The following CSMD1 variants were observed in gnomAD, a reference collection of about 807,000 sequenced individuals.
CSMD1 encodes the protein CUB and sushi domain-containing protein 1.
In CSMD1, 213 loss-of-function variants were observed where a neutral mutation model predicts 417.5. The ratio of observed to expected loss-of-function variants is 0.51; its 90% CI spans 0.46 to 0.57. The LOEUF (loss-of-function observed/expected upper bound fraction) is 0.57, where lower values mean the gene tolerates loss of function less well. CSMD1 is among the 20% of genes least tolerant of loss of function. The probability of loss-of-function intolerance (pLI) is 0.00; values close to 1 mark genes in which losing one functional copy is unlikely to be tolerated. For missense variants in CSMD1, 6,923 were observed against 4,529.7 expected (o/e 1.53, Z -15.17); for synonymous variants, 2,862 against 1,736.8 (o/e 1.65, Z -16.11).
intron 26 of CSMD1, among the ~76,000 whole-genome samples, chr8:3,277,608 A>C (rs529269834): frequency 1.3e-5 from 2 of 152,280 alleles, no homozygotes; most frequent in South Asian, 4.1e-4. Flanking sequence ...TGACTTTACC[A>C]AAACCGGGAA....
chr8:4,129,623 C>T (rs774690781), intron 3 of CSMD1, among the ~76,000 whole-genome samples: 2 of 152,058 alleles, frequency 1.3e-5, no homozygotes, highest in Non-Finnish European at 2.9e-5. Flanking sequence ...TGACTTGTTT[C>T]CTCTCTGGAA....
At chr8:3,756,016 C>G (rs1194438255) in intron 5 of CSMD1, among the ~76,000 whole-genome samples, 5 of 151,978 alleles carry the variant, frequency 3.3e-5, no homozygotes, top group Non-Finnish European at 7.4e-5. Flanking sequence ...TCAAAAACCC[C>G]CAGTCTGTGC....
At chr8:4,468,079 G>C (rs1800297938) in intron 2 of CSMD1, among the ~76,000 whole-genome samples, 1 of 152,164 alleles carries the variant, frequency 6.6e-6, no homozygotes, top group South Asian at 2.1e-4. Flanking sequence ...TTCTGAAATT[G>C]ATCTGCACTG....
At chr8:3,678,989 G>C (rs1167735244) in intron 7 of CSMD1, among the ~76,000 whole-genome samples, 1 of 152,084 alleles carries the variant, frequency 6.6e-6, no homozygotes, top group Admixed American at 6.5e-5. Flanking sequence ...AATGCTGAGA[G>C]ATTTTGCCAC....
At chr8:4,627,754 T>C (rs1274066697) in intron 2 of CSMD1, among the ~76,000 whole-genome samples, 1 of 152,088 alleles carries the variant, frequency 6.6e-6, no homozygotes, top group Non-Finnish European at 1.5e-5. Flanking sequence ...CCAGCTAACC[T>C]CTTTAAGCTT....
intron 1 of CSMD1, among the ~76,000 whole-genome samples, chr8:4,920,970 GAAAGAAAGAAAC>G (rs777568863): frequency 0.65 from 29,078 of 44,872 alleles, 7,820 homozygotes; most frequent in Non-Finnish European, 0.69. Flanking sequence ...AAGAAAGAAA[GAAAGAAAGAAAC>G]AAAGAAAGAA....
chr8:3,213,641 C>A (rs1055252741), intron 30 of CSMD1, among the ~76,000 whole-genome samples: 1 of 151,422 alleles, frequency 6.6e-6, no homozygotes, highest in Non-Finnish European at 1.5e-5. Context: ...AGTTTTTTCT[C>A]TCTATATATA....
At chr8:4,209,764 T>A (rs1466782364) in intron 3 of CSMD1, among the ~76,000 whole-genome samples, 1 of 152,182 alleles carries the variant, frequency 6.6e-6, no homozygotes, top group Non-Finnish European at 1.5e-5. Flanking sequence ...GACTACACCA[T>A]AGGCCATGTG....
intron 1 of CSMD1, among the ~76,000 whole-genome samples, chr8:4,797,097 A>G (rs552103765): frequency 2.0e-4 from 30 of 152,318 alleles, no homozygotes; most frequent in Non-Finnish European, 3.7e-4. Flanking sequence ...TGAGAATCGA[A>G]TCAGAGATGA....
At chr8:3,665,868 T>A (rs1798665970) in intron 7 of CSMD1, among the ~76,000 whole-genome samples, 1 of 152,080 alleles carries the variant, frequency 6.6e-6, no homozygotes, top group South Asian at 2.1e-4. Context: ...AGTGTTGGTT[T>A]GCTTTTTTGT....
chr8:4,036,791 T>G (rs1385698435), intron 3 of CSMD1, among the ~76,000 whole-genome samples: 1 of 152,250 alleles, frequency 6.6e-6, no homozygotes. Context: ...ACTATTTCAT[T>G]ATAACATGGA....
chr8:3,298,028 A>C (rs1338277370), intron 25 of CSMD1, among the ~76,000 whole-genome samples: 1 of 152,176 alleles, frequency 6.6e-6, no homozygotes, highest in Non-Finnish European at 1.5e-5. Context: ...AGGGAAATGC[A>C]AATAAAAAGG....
intron 5 of CSMD1, among the ~76,000 whole-genome samples, chr8:3,909,207 G>C (rs1027609326): frequency 1.3e-5 from 2 of 152,192 alleles, no homozygotes; most frequent in Non-Finnish European, 2.9e-5. Context: ...GACAGGCTGA[G>C]ACAGTTATCC....
intron 4 of CSMD1, among the ~76,000 whole-genome samples, chr8:4,026,552 C>G (rs1274880224): frequency 6.6e-6 from 1 of 152,236 alleles, no homozygotes; most frequent in Non-Finnish European, 1.5e-5. Context: ...GGAAAATACT[C>G]TTGGCTTAGG....
intron 3 of CSMD1, among the ~76,000 whole-genome samples, chr8:4,198,361 C>G (rs956140472): frequency 1.4e-4 from 22 of 152,174 alleles, no homozygotes; most frequent in African/African-American, 5.3e-4. Context: ...AGCCAGGAGC[C>G]TGAACTTTGT....
At position 3,214,486 on chromosome 8, in the gene CSMD1, C is replaced by T. The variant is rs188493856; in HGVS notation, c.4867+11G>A. The T allele has an allele frequency of 6.2e-5, 97 of 1,568,042 alleles. No homozygotes were observed. The African/African-American group carries it at 1.1e-3, about 18-fold the overall frequency. ...GTTGTATTTCTAGAAAATACCCAAG[C>T]GTGCACTCACCATTGCAGGAGGGCA... On this transcript the variant is annotated intron_variant, in intron 30 of 69. Coordinates refer to ENST00000635120, the MANE Select transcript of CSMD1 (RefSeq NM_033225.6).
chr8:4,781,777 G>T (rs1421943155), intron 1 of CSMD1, among the ~76,000 whole-genome samples: 1 of 152,108 alleles, frequency 6.6e-6, no homozygotes, highest in African/African-American at 2.4e-5. Flanking sequence ...ATTAATATGT[G>T]AGGAATAATG....
intron 5 of CSMD1, among the ~76,000 whole-genome samples, chr8:3,858,553 G>A (rs559986583): frequency 1.3e-5 from 2 of 152,100 alleles, no homozygotes; most frequent in African/African-American, 4.8e-5. Context: ...GGTGTTAACT[G>A]CATAAATGGA....
intron 7 of CSMD1, among the ~76,000 whole-genome samples, chr8:3,666,344 G>T (rs774120078): frequency 1.3e-5 from 2 of 152,142 alleles, no homozygotes; most frequent in Non-Finnish European, 2.9e-5. Flanking sequence ...TGATATAAAC[G>T]CCTGTCCGTT....
Sources: allele counts gnomAD v4.1 joint callset (sites outside exome capture counted in the v4.1 genomes callset), GRCh38; gene constraint gnomAD v4.1.1; transcripts MANE v1.5; gene names NCBI Gene and HGNC (gene_info 2026-07-23, HGNC 2026-07-21).